The following RFX2 variants were observed in gnomAD, a reference collection of about 807,000 sequenced individuals.
The protein encoded by RFX2 is regulatory factor X2.
In RFX2, 20 loss-of-function variants were observed where a neutral mutation model predicts 87.8. The observed-to-expected ratio is 0.23, with a 90% CI of 0.16 to 0.33. RFX2 has a LOEUF of 0.33. RFX2 is among the 10% of genes least tolerant of loss of function. The pLI is 1.00. For missense variants in RFX2, 767 were observed against 1,012.3 expected, an observed-to-expected ratio of 0.76 and a Z score of 3.29; for synonymous variants, 397 against 431.3, an observed-to-expected ratio of 0.92 and a Z score of 0.98.
At chr19:6,106,771 T>A (rs1331172894) in intron 1 of RFX2, among the ~76,000 whole-genome samples, 3 of 149,876 alleles carry the variant, frequency 2.0e-5, no homozygotes, top group Non-Finnish European at 4.4e-5. Context: ...TTTGTAAATA[T>A]TTAAATATAT....
chr19:6,005,807 C>A (rs1292113009), intron 12 of RFX2, among the ~76,000 whole-genome samples: 2 of 152,214 alleles, frequency 1.3e-5, no homozygotes, highest in Non-Finnish European at 2.9e-5. Flanking sequence ...TATGTCCCTG[C>A]CCCTCCTACA....
At chr19:6,085,152 A>G (rs1358047081) in intron 1 of RFX2, among the ~76,000 whole-genome samples, 2 of 152,148 alleles carry the variant, frequency 1.3e-5, no homozygotes, top group Non-Finnish European at 2.9e-5. Context: ...TCATGCTGCT[A>G]TGAACATGAG....
intron 1 of RFX2, among the ~76,000 whole-genome samples, chr19:6,102,115 C>T (rs79791918): frequency 0.015 from 2,236 of 152,198 alleles, 41 homozygotes; most frequent in African/African-American, 0.05. Context: ...CATGGGCCGC[C>T]CAGTCCTGAA....
At chr19:6,058,098 C>T (rs1209652625) in intron 1 of RFX2, among the ~76,000 whole-genome samples, 2 of 152,202 alleles carry the variant, frequency 1.3e-5, no homozygotes, top group African/African-American at 4.8e-5. Flanking sequence ...AGAGTTATTA[C>T]TCTGCCCTGA....
intron 1 of RFX2, among the ~76,000 whole-genome samples, chr19:6,082,966 C>T (rs942571677): frequency 5.9e-5 from 9 of 152,128 alleles, no homozygotes; most frequent in African/African-American, 2.2e-4. Flanking sequence ...TTTTTTGAGA[C>T]AGGGTCTCAT....
chr19:6,042,873 G>A (rs530944502), intron 3 of RFX2, among the ~76,000 whole-genome samples: 3 of 152,362 alleles, frequency 2.0e-5, no homozygotes, highest in East Asian at 1.9e-4. Flanking sequence ...TCACCCCAGA[G>A]GGCATCTTAG....
intron 1 of RFX2, among the ~76,000 whole-genome samples, chr19:6,051,241 C>A (rs917742270): frequency 2.0e-5 from 3 of 151,772 alleles, no homozygotes; most frequent in Admixed American, 2.0e-4. Flanking sequence ...TTATAAAAAA[C>A]CGTATTTTTA....
chr19:5,997,444 TG>T lies in RFX2; in HGVS notation c.1860-232del. 1 of 484,270 alleles carries T rather than the reference TG, an allele frequency of 2.1e-6. No individual in the cohort carries two copies. The allele number at this position is 484,270 out of a possible 1,614,324, so 30.0% of individuals were successfully genotyped here. A position where few individuals can be genotyped will look rare whatever the true frequency, so the allele number is the denominator to read the frequency against. ...TGCGCGCTCAGTTCCAGAGACCACC[TG>T]GGGAACAGGAGAGGGAGATGGGCAG... On this transcript the variant is annotated intron_variant, in intron 15 of 17. Transcript: ENST00000303657. The surrounding 1 kb of genome is among the most constrained non-coding windows in gnomAD (Gnocchi z 4.2).
chr19:6,101,051 T>A lies in RFX2; in HGVS notation c.-9+9342A>T, dbSNP rs2088119647. Among the ~76,000 whole-genome samples the A allele has an allele frequency of 6.6e-6, 1 of 152,192 alleles. No homozygotes were observed. The highest frequency in any genetic ancestry group is 1.5e-5 in the Non-Finnish European group (1 of 68,048). ...ATCAGTTGCCAATGGTTTCTAACAATTTTAAATTTGTCTAGTGCCTTCTCC... is the reference window on the plus strand; with the variant it reads ...ATCAGTTGCCAATGGTTTCTAACAAATTTAAATTTGTCTAGTGCCTTCTCC... On this transcript the variant is annotated intron_variant, in intron 1 of 17. Transcript: ENST00000303657. This position sits in a 1 kb window ranked among gnomAD's most constrained non-coding sequence, Gnocchi z 4.9.
At position 6,020,898 on chromosome 19, in the gene RFX2, T is replaced by A. The variant is rs1025554663; in HGVS notation, c.598-4627A>T. ...TCTGTCAGGACAGCACACTTCTTGA[T>A]GAAATGGATCAAATCATTCCTTTTA... On this transcript the variant is annotated intron_variant, in intron 6 of 17. Transcript: ENST00000303657. The surrounding 1 kb of genome is among the most constrained non-coding windows in gnomAD (Gnocchi z 5.3). 2.0e-5 allele frequency among the ~76,000 whole-genome samples: 3 copies of A among 152,196 alleles called. No homozygotes were observed. The highest frequency in any genetic ancestry group is 4.4e-5 in the Non-Finnish European group (3 of 68,044).
chr19:6,036,763 A>T (rs147483732), intron 5 of RFX2, among the ~76,000 whole-genome samples: 1 of 152,264 alleles, frequency 6.6e-6, no homozygotes, highest in Non-Finnish European at 1.5e-5. Context: ...TCTGTGAAAA[A>T]CCCACAGCTA....
At chr19:6,053,396 AT>A (rs1309889074) in intron 1 of RFX2, among the ~76,000 whole-genome samples, 1 of 152,246 alleles carries the variant, frequency 6.6e-6, no homozygotes, top group Non-Finnish European at 1.5e-5. Flanking sequence ...ACTGTTCTGT[AT>A]GGCACTATAA....
rs985927363 is a variant in RFX2 at position 6,037,457 on chromosome 19, A to G, written c.522+2523T>C. ...TACAATAGCTCTCCAAACATGAAAT[A>G]CTTTGATATAAATCTAACAAAACAT... On this transcript the variant is annotated intron_variant, in intron 5 of 17. Coordinates refer to ENST00000303657, the MANE Select transcript of RFX2 (RefSeq NM_000635.4). Among the ~76,000 whole-genome samples, 5 of 152,332 alleles carry G rather than the reference A, an allele frequency of 3.3e-5. 1 individual carries two copies. Among genetic ancestry groups the G allele is most frequent in the Admixed American group, 2.0e-4 (3 of 15,306 alleles).
chr19:6,107,522 C>G (rs904480745), intron 1 of RFX2, among the ~76,000 whole-genome samples: 1 of 145,380 alleles, frequency 6.9e-6, no homozygotes, highest in African/African-American at 2.6e-5. Context: ...GAGGCTGAGA[C>G]AGGTGAATCC....
chr19:6,081,684 G>A (rs937064435), intron 1 of RFX2, among the ~76,000 whole-genome samples: 4 of 152,188 alleles, frequency 2.6e-5, no homozygotes, highest in African/African-American at 9.6e-5. Flanking sequence ...TGGGCGCGGC[G>A]GCTCATGCCT....
At chr19:5,996,936 G>C in intron 16 of RFX2, 124 bp downstream of exon 16, 1 of 1,018,630 alleles carries the variant, frequency 9.8e-7, no homozygotes, top group East Asian at 2.6e-5. Context: ...TCGAGCTGCA[G>C]CTCTGTCCGG....
rs568098731 is a variant in RFX2 at position 6,094,022 on chromosome 19, C to T, written c.-9+16371G>A. On this transcript the variant is annotated intron_variant, in intron 1 of 17. Coordinates refer to ENST00000303657, the MANE Select transcript of RFX2 (RefSeq NM_000635.4). Reference sequence around the variant, plus strand: ...TGGAATTAGATGGTGGTGATGGTTGCATAACCTTGTGAATATACTGAAAGC... The same window carrying T: ...TGGAATTAGATGGTGGTGATGGTTGTATAACCTTGTGAATATACTGAAAGC... 4.6e-5 allele frequency among the ~76,000 whole-genome samples: 7 copies of T among 152,172 alleles called. No individual in the cohort carries two copies. In the East Asian group the frequency reaches 7.7e-4, roughly 17 times the overall value.
rs1426952183 is a variant in RFX2, at chr19:6,101,211, C to T, written c.-9+9182G>A. On this transcript the variant is annotated intron_variant, in intron 1 of 17. Transcript: ENST00000303657. The surrounding 1 kb of genome is among the most constrained non-coding windows in gnomAD (Gnocchi z 4.9). ...GATGGAGACCCCAGAGAGCTCCTCA[C>T]TGAAGTCCCTAGTAGGGTGAATTCT... Among the ~76,000 whole-genome samples, 1 of 152,240 alleles carries T rather than the reference C, an allele frequency of 6.6e-6. No individual in the cohort carries two copies. The highest frequency in any genetic ancestry group is 2.4e-5 in the African/African-American group (1 of 41,454).
chr19:6,039,924 G>T lies in RFX2; in HGVS notation c.522+56C>A. 6.8e-7 allele frequency: 1 copy of T among 1,469,670 alleles called. No homozygotes were observed. The highest frequency in any genetic ancestry group is 9.1e-7 in the Non-Finnish European group (1 of 1,096,952). 91.0% of individuals were successfully genotyped at this position (1,469,670 alleles called of 1,614,324 possible). On this transcript the variant is annotated intron_variant, in intron 5 of 17. Coordinates refer to ENST00000303657, the MANE Select transcript of RFX2 (RefSeq NM_000635.4). This position sits in a 1 kb window ranked among gnomAD's most constrained non-coding sequence, Gnocchi z 5.2. ...CCTCTTACTCACCATCCCTGCTGCC[G>T]CTGCTTCGAGAATACTCATGGCCTA...
Sources: gnomAD v4.1 joint callset for allele counts (sites outside exome capture counted in the v4.1 genomes callset) on GRCh38, gnomAD v4.1.1 for gene constraint, Gnocchi (gnomAD v3.1) non-coding constraint, MANE v1.5 for transcripts, NCBI Gene and HGNC (gene_info 2026-07-23, HGNC 2026-07-21) for gene names.